Variants in BLNK observed in about 807,000 individuals in gnomAD.
BLNK encodes B cell linker, also known as B-cell linker protein.
In BLNK, 29 loss-of-function variants were observed where a neutral mutation model predicts 73.5. That is an observed-to-expected ratio of 0.39 (90% CI 0.29 to 0.54). The LOEUF (loss-of-function observed/expected upper bound fraction) is 0.54. BLNK is among the 20% of genes least tolerant of loss of function. The probability of loss-of-function intolerance (pLI) is 0.61; values close to 1 mark genes in which losing one functional copy is unlikely to be tolerated. For missense variants in BLNK, 460 were observed against 562.8 expected (o/e 0.82, Z 1.85); for synonymous variants, 176 against 200.8 (o/e 0.88, Z 1.04).
chr10:96,248,243 A>T (rs28576546), intron 1 of BLNK, among the ~76,000 whole-genome samples: 5,269 of 152,348 alleles, frequency 0.035, 305 homozygotes, highest in African/African-American at 0.12. Flanking sequence ...GGCAAAAACT[A>T]CGATTATTTT....
intron 16 of BLNK, among the ~76,000 whole-genome samples, chr10:96,192,587 C>T (rs1011968922): frequency 6.6e-6 from 1 of 151,834 alleles, no homozygotes; most frequent in Non-Finnish European, 1.5e-5. Context: ...CTTTATAAAC[C>T]TTCATATTTC....
chr10:96,200,040 A>AAAAT lies in BLNK; in HGVS notation c.1095+31_1095+34dup. 2.3e-6 allele frequency: 3 copies of AAAAT among 1,315,252 alleles called. No homozygotes were observed. Among genetic ancestry groups the AAAAT allele is most frequent in the Non-Finnish European group, 3.0e-6 (3 of 1,009,188 alleles). 81.5% of individuals were successfully genotyped at this position (1,315,252 alleles called of 1,614,324 possible). ...TCAAAACAAATAAATAAAATAAAATAAAATAAAAATAATAAATAATAAAAA... is the reference window on the plus strand; with the variant it reads ...TCAAAACAAATAAATAAAATAAAATAAAATAAATAAAAATAATAAATAATAAAAA... On this transcript the variant is annotated intron_variant, in intron 15 of 16. Transcript: ENST00000224337. This position sits in a 1 kb window ranked among gnomAD's most constrained non-coding sequence, Gnocchi z 4.3.
At position 96,227,568 on chromosome 10, in the gene BLNK, T is replaced by G; in HGVS notation, c.205-2A>C. The G allele has an allele frequency of 6.8e-6, 11 of 1,613,980 alleles. No homozygotes were observed. Among genetic ancestry groups the G allele is most frequent in the Non-Finnish European group, 9.3e-6 (11 of 1,180,026 alleles). ...ATCTGGATTTTCATAGTCGCTGTCC[T>G]GCAAGTGCAGATGCAGACACTGTGC... is the stretch of plus-strand genomic sequence containing the variant. On this transcript the variant is annotated splice_acceptor_variant, in intron 4 of 16. Transcript: ENST00000224337. LOFTEE classifies it high-confidence loss of function.
intron 11 of BLNK, among the ~76,000 whole-genome samples, chr10:96,205,647 A>C (rs1278997010): frequency 6.6e-6 from 1 of 152,240 alleles, no homozygotes; most frequent in Non-Finnish European, 1.5e-5. Context: ...CTTTGACTAC[A>C]CCTGCTCTGC....
chr10:96,245,746 G>A (rs1554907450), intron 2 of BLNK, among the ~76,000 whole-genome samples: 2 of 152,152 alleles, frequency 1.3e-5, no homozygotes, highest in Non-Finnish European at 2.9e-5. Flanking sequence ...CATTTATGAC[G>A]AAAATGTATG....
intron 3 of BLNK, 45 bp from the exon 4 acceptor site, chr10:96,230,879 G>A (rs372346226): frequency 6.3e-7 from 1 of 1,597,992 alleles, no homozygotes; most frequent in Non-Finnish European, 8.5e-7. Flanking sequence ...GTGAGCCTCA[G>A]CTGGCCAGCC....
chr10:96,232,821 T>G (rs1842555784), intron 3 of BLNK, among the ~76,000 whole-genome samples: 1 of 146,934 alleles, frequency 6.8e-6, no homozygotes, highest in African/African-American at 2.6e-5. Context: ...TCTAGTCTTT[T>G]TTTTTTTTTT....
At chr10:96,263,960 C>T (rs1843877004) in intron 1 of BLNK, among the ~76,000 whole-genome samples, 1 of 152,202 alleles carries the variant, frequency 6.6e-6, no homozygotes, top group Non-Finnish European at 1.5e-5. Flanking sequence ...TCAGGGTTCT[C>T]TGCTCCCTTG....
At chr10:96,208,774 G>A (rs1564819996) in intron 9 of BLNK, among the ~76,000 whole-genome samples, 1 of 152,160 alleles carries the variant, frequency 6.6e-6, no homozygotes, top group Non-Finnish European at 1.5e-5. Flanking sequence ...CCTGGCACTG[G>A]GTTAGGCTCC....
At chr10:96,206,956 C>G in intron 11 of BLNK, 55 bp downstream of exon 11, 1 of 1,536,148 alleles carries the variant, frequency 6.5e-7, no homozygotes, top group South Asian at 1.1e-5. Context: ...CATACAAATC[C>G]TTAATAAAAT....
At position 96,200,970 on chromosome 10, in the gene BLNK, T is replaced by A; in HGVS notation, c.1011+12A>T. Reference sequence around the variant, plus strand: ...GGTAACAATTTAGTGACATCAAGAGTTCATTTCATACCTGTTCTGAAATAG... The same window carrying A: ...GGTAACAATTTAGTGACATCAAGAGATCATTTCATACCTGTTCTGAAATAG... On this transcript the variant is annotated intron_variant, in intron 14 of 16. Transcript: ENST00000224337. This position sits in a 1 kb window ranked among gnomAD's most constrained non-coding sequence, Gnocchi z 4.3. 6.2e-7 allele frequency: 1 copy of A among 1,611,568 alleles called. No homozygotes were observed. The highest frequency in any genetic ancestry group is 8.5e-7 in the Non-Finnish European group (1 of 1,177,710).
intron 16 of BLNK, among the ~76,000 whole-genome samples, chr10:96,195,884 C>T (rs1487237647): frequency 6.6e-6 from 1 of 152,216 alleles, no homozygotes; most frequent in Non-Finnish European, 1.5e-5. Context: ...ATTCTCCTGC[C>T]TGTAATCACT....
chr10:96,241,835 C>T (rs1244337995), intron 3 of BLNK, among the ~76,000 whole-genome samples: 2 of 151,930 alleles, frequency 1.3e-5, no homozygotes, highest in African/African-American at 4.8e-5. Context: ...GATCCTCCCA[C>T]CTCAGCCTCC....
At chr10:96,214,988 C>T (rs2084031187) in intron 8 of BLNK, among the ~76,000 whole-genome samples, 1 of 152,078 alleles carries the variant, frequency 6.6e-6, no homozygotes, top group East Asian at 1.9e-4. Context: ...CAAAACCAAG[C>T]TTGTAACCAT....
intron 1 of BLNK, among the ~76,000 whole-genome samples, chr10:96,263,140 C>T (rs982281084): frequency 6.6e-6 from 1 of 152,204 alleles, no homozygotes; most frequent in African/African-American, 2.4e-5. Context: ...ATTTCTGGGG[C>T]CCAATGTAAA....
intron 10 of BLNK, 132 bp from the exon 11 acceptor site, chr10:96,207,185 A>G (rs181966545): frequency 7.4e-6 from 6 of 815,214 alleles, no homozygotes; most frequent in Middle Eastern, 6.7e-4. Context: ...CAATCACAAC[A>G]ACAATTACAA....
chr10:96,260,723 GAAAAC>G (rs1179428775), intron 1 of BLNK, among the ~76,000 whole-genome samples: 6 of 152,240 alleles, frequency 3.9e-5, no homozygotes, highest in Admixed American at 6.5e-5. Flanking sequence ...TTAGCTCTGA[GAAAAC>G]AAAGATATTG....
chr10:96,230,767 C>T lies in BLNK; in HGVS notation c.204+27G>A, dbSNP rs368147697. On this transcript the variant is annotated intron_variant, in intron 4 of 16. Transcript: ENST00000224337. ...AGGCCTCCCATGGGACCCTGATGCC[C>T]TCCTGGTCCCAGGAGCAAATACTTA... 8.1e-6 allele frequency: 13 copies of T among 1,602,558 alleles called. No homozygotes were observed. The African/African-American group carries it at 1.7e-4, about 21-fold the overall frequency.
chr10:96,227,896 A>G (rs1386808946), intron 4 of BLNK, among the ~76,000 whole-genome samples: 1 of 152,200 alleles, frequency 6.6e-6, no homozygotes, highest in Non-Finnish European at 1.5e-5. Context: ...ATGGCCCAAT[A>G]AAATAGAATA....
Sources: allele counts gnomAD v4.1 joint callset (sites outside exome capture counted in the v4.1 genomes callset), GRCh38; gene constraint gnomAD v4.1.1; non-coding constraint Gnocchi (gnomAD v3.1); transcripts MANE v1.5; gene names NCBI Gene and HGNC (gene_info 2026-07-23, HGNC 2026-07-21).